Variants in GSTCD observed in about 807,000 individuals in gnomAD.
The protein encoded by GSTCD is glutathione S-transferase C-terminal domain containing.
Under a neutral mutation model 68.3 loss-of-function variants are expected in GSTCD, and 44 were observed. The observed-to-expected ratio is 0.64, with a 90% CI of 0.51 to 0.83. The LOEUF is 0.83. Among genes scored for constraint, GSTCD ranks in the 40% least tolerant of loss-of-function variants. GSTCD has a pLI of 0.00. For synonymous variants in GSTCD, 273 were observed against 255.2 expected (o/e 1.07, Z -0.67); for missense variants, 739 against 735.9 (o/e 1.00, Z -0.05).
intron 5 of GSTCD, among the ~76,000 whole-genome samples, chr4:105,756,261 A>G (rs1319447073): frequency 6.6e-6 from 1 of 152,042 alleles, no homozygotes. Context: ...TTAACCACAT[A>G]AACATGATTG....
intron 1 of GSTCD, among the ~76,000 whole-genome samples, chr4:105,713,846 A>G (rs1029450273): frequency 1.3e-5 from 2 of 151,502 alleles, no homozygotes; most frequent in Non-Finnish European, 2.9e-5. Context: ...AATTTATCTA[A>G]TATATAATGT....
intron 5 of GSTCD, among the ~76,000 whole-genome samples, chr4:105,756,527 C>T (rs1560813679): frequency 3.2e-5 from 4 of 124,234 alleles, no homozygotes; most frequent in Non-Finnish European, 6.9e-5. Flanking sequence ...CACACACACA[C>T]GTATATACAT....
chr4:105,718,830 G>C (rs897008630), intron 2 of GSTCD, among the ~76,000 whole-genome samples: 1 of 152,112 alleles, frequency 6.6e-6, no homozygotes, highest in African/African-American at 2.4e-5. Context: ...TATTGTAAAG[G>C]CTTTGGGAAG....
chr4:105,843,147 G>A (rs1578530511), intron 11 of GSTCD, among the ~76,000 whole-genome samples: 1 of 152,182 alleles, frequency 6.6e-6, no homozygotes, highest in East Asian at 1.9e-4. Flanking sequence ...AGTCGTATGA[G>A]AAATCCTTAT....
intron 9 of GSTCD, 96 bp from the exon 10 acceptor site, chr4:105,837,763 A>G: frequency 1.8e-6 from 1 of 568,476 alleles, no homozygotes; most frequent in East Asian, 3.5e-5. Context: ...TATGCTTTCT[A>G]CATACAAAGC....
chr4:105,810,074 T>C (rs1373374330), intron 5 of GSTCD, among the ~76,000 whole-genome samples: 1 of 152,052 alleles, frequency 6.6e-6, no homozygotes, highest in East Asian at 1.9e-4. Context: ...ATACAAAGTA[T>C]TTATTTTACT....
At chr4:105,729,383 A>G in intron 4 of GSTCD, 23 bp from the exon 5 acceptor site, 2 of 1,462,028 alleles carry the variant, frequency 1.4e-6, no homozygotes, top group African/African-American at 1.4e-5. Flanking sequence ...CTTAATTTAG[A>G]AAGAGGCTAT....
chr4:105,825,300 T>C (rs1033835097), intron 7 of GSTCD, among the ~76,000 whole-genome samples: 1 of 152,200 alleles, frequency 6.6e-6, no homozygotes, highest in African/African-American at 2.4e-5. Flanking sequence ...CGGCTAATTT[T>C]TGTATTTTTA....
intron 5 of GSTCD, among the ~76,000 whole-genome samples, chr4:105,796,917 T>C (rs1451137769): frequency 6.6e-6 from 1 of 152,130 alleles, no homozygotes; most frequent in Non-Finnish European, 1.5e-5. Flanking sequence ...GAGGATCGGC[T>C]TCCAAGAAGT....
intron 1 of GSTCD, among the ~76,000 whole-genome samples, chr4:105,710,163 A>C (rs533544396): frequency 3.7e-4 from 56 of 151,020 alleles, no homozygotes; most frequent in Non-Finnish European, 7.1e-4. Context: ...TATACTTTGC[A>C]CTTCTACGTG....
rs748121615 is a variant in GSTCD, at chr4:105,763,893, C to T, written c.1240+34394C>T. Among the ~76,000 whole-genome samples the T allele has an allele frequency of 4.6e-4, 70 of 151,730 alleles. 1 individual carries two copies. Among genetic ancestry groups the T allele is most frequent in the Middle Eastern group, 3.2e-3 (1 of 314 alleles). ...TTTTTCCCCAGAGGTAGTTGTAACC[C>T]ATCAATTTGAAGGGTCACTTCTAAA... is the stretch of plus-strand genomic sequence containing the variant. On this transcript the variant is annotated intron_variant, in intron 5 of 11. Transcript: ENST00000515279.
chr4:105,732,626 CT>C (rs1392389720), intron 5 of GSTCD, among the ~76,000 whole-genome samples: 1 of 151,992 alleles, frequency 6.6e-6, no homozygotes, highest in Non-Finnish European at 1.5e-5. Flanking sequence ...TTTTGTTGAT[CT>C]TTTCAAAAAA....
At chr4:105,738,208 G>C (rs1733522682) in intron 5 of GSTCD, among the ~76,000 whole-genome samples, 1 of 152,232 alleles carries the variant, frequency 6.6e-6, no homozygotes, top group South Asian at 2.1e-4. Flanking sequence ...AAGACAAGTG[G>C]ATTCATTTCT....
At chr4:105,758,823 C>T (rs766673151) in intron 5 of GSTCD, among the ~76,000 whole-genome samples, 71 of 152,288 alleles carry the variant, frequency 4.7e-4, no homozygotes, top group Non-Finnish European at 7.8e-4. Context: ...CTTCATTCCA[C>T]CTTCAGTGAC....
At chr4:105,735,376 G>A (rs951932318) in intron 5 of GSTCD, among the ~76,000 whole-genome samples, 4 of 152,282 alleles carry the variant, frequency 2.6e-5, no homozygotes, top group Non-Finnish European at 4.4e-5. Context: ...CAGCAATGGC[G>A]GGCACCCCTT....
intron 5 of GSTCD, among the ~76,000 whole-genome samples, chr4:105,800,414 G>A (rs1278258070): frequency 6.6e-6 from 1 of 152,090 alleles, no homozygotes; most frequent in Non-Finnish European, 1.5e-5. Flanking sequence ...AGATTTGGGT[G>A]GGGACACAGC....
At chr4:105,825,217 C>T (rs1204594224) in intron 7 of GSTCD, among the ~76,000 whole-genome samples, 1 of 152,108 alleles carries the variant, frequency 6.6e-6, no homozygotes, top group Admixed American at 6.6e-5. Context: ...ATAACCTCTG[C>T]TTCCTGGGTT....
chr4:105,806,284 T>A (rs1338945422), intron 5 of GSTCD, among the ~76,000 whole-genome samples: 2 of 152,086 alleles, frequency 1.3e-5, no homozygotes, highest in Admixed American at 6.6e-5. Context: ...TCTAAACTTT[T>A]TGAGCTTCTT....
At chr4:105,739,050 G>A (rs1032118208) in intron 5 of GSTCD, among the ~76,000 whole-genome samples, 5 of 152,312 alleles carry the variant, frequency 3.3e-5, no homozygotes, top group South Asian at 2.1e-4. Flanking sequence ...CACAAAGGAT[G>A]TTGAATTTTA....
Sources: allele counts gnomAD v4.1 joint callset (sites outside exome capture counted in the v4.1 genomes callset), GRCh38; gene constraint gnomAD v4.1.1; transcripts MANE v1.5; gene names NCBI Gene and HGNC (gene_info 2026-07-23, HGNC 2026-07-21).